The following DNAJB6 variants were observed in gnomAD, a reference collection of about 807,000 sequenced individuals.
DNAJB6 encodes dnaJ homolog subfamily B member 6.
A neutral mutation model predicts 42.7 loss-of-function variants in DNAJB6; 16 were observed. That is an observed-to-expected ratio of 0.37 (90% CI 0.25 to 0.57). The LOEUF is 0.57. DNAJB6 is among the 20% of genes least tolerant of loss of function. The pLI, the probability that DNAJB6 is intolerant of heterozygous loss-of-function variation, is 0.74. For synonymous variants in DNAJB6, 170 were observed against 163.5 expected, an observed-to-expected ratio of 1.04 and a Z score of -0.30; for missense variants, 347 against 416.8, an observed-to-expected ratio of 0.83 and a Z score of 1.46.
intron 1 of DNAJB6, among the ~76,000 whole-genome samples, chr7:157,347,957 A>T (rs183085546): frequency 3.3e-5 from 5 of 150,624 alleles, no homozygotes; most frequent in African/African-American, 9.8e-5. Context: ...CACCATGCCT[A>T]GCTAATTTTT....
intron 2 of DNAJB6, among the ~76,000 whole-genome samples, 184 bp from the exon 3 acceptor site, chr7:157,362,977 C>G (rs1019455989): frequency 6.6e-6 from 1 of 152,144 alleles, no homozygotes; most frequent in Non-Finnish European, 1.5e-5. Context: ...CTACGCCTGG[C>G]TATCTGGATT....
intron 1 of DNAJB6, among the ~76,000 whole-genome samples, chr7:157,349,272 A>G (rs1798849199): frequency 6.6e-6 from 1 of 152,168 alleles, no homozygotes; most frequent in Non-Finnish European, 1.5e-5. Flanking sequence ...ATAAATAGTA[A>G]GTTTGTATGA....
At chr7:157,377,494 C>T (rs1800530315) in intron 5 of DNAJB6, among the ~76,000 whole-genome samples, 1 of 151,968 alleles carries the variant, frequency 6.6e-6, no homozygotes, top group Non-Finnish European at 1.5e-5. Flanking sequence ...GAGAAACTGC[C>T]ACTGGGGGAG....
At chr7:157,348,250 GC>G (rs1170078890) in intron 1 of DNAJB6, among the ~76,000 whole-genome samples, 1 of 150,910 alleles carries the variant, frequency 6.6e-6, no homozygotes, top group African/African-American at 2.4e-5. Context: ...CCACCACCTT[GC>G]CCAGCTAATT....
intron 5 of DNAJB6, chr7:157,368,780 G>C (rs79966023): frequency 6.0e-6 from 1 of 165,374 alleles, no homozygotes; most frequent in Non-Finnish European, 1.3e-5. Context: ...CACATTGTAT[G>C]TTTACCTCCT....
intron 1 of DNAJB6, chr7:157,340,161 T>A (rs970811656): frequency 4.6e-5 from 7 of 152,248 alleles, no homozygotes; most frequent in Non-Finnish European, 8.8e-5. Flanking sequence ...GATTTTTACT[T>A]CTTAGTATTT....
intron 1 of DNAJB6, among the ~76,000 whole-genome samples, chr7:157,357,136 T>A (rs1461011900): frequency 7.1e-6 from 1 of 140,620 alleles, no homozygotes; most frequent in East Asian, 2.0e-4. Context: ...CTGTCTCAAT[T>A]AAAAAAAAAA....
At chr7:157,407,475 G>A (rs1795814037) in intron 8 of DNAJB6, among the ~76,000 whole-genome samples, 1 of 152,222 alleles carries the variant, frequency 6.6e-6, no homozygotes, top group Non-Finnish European at 1.5e-5. Flanking sequence ...AAAAGTCATG[G>A]CGGAGTATTG....
intron 8 of DNAJB6, among the ~76,000 whole-genome samples, chr7:157,386,516 A>G (rs1251020122): frequency 1.3e-5 from 2 of 152,348 alleles, no homozygotes; most frequent in Non-Finnish European, 2.9e-5. Flanking sequence ...AATTATGGTA[A>G]CATTTCTACA....
intron 3 of DNAJB6, among the ~76,000 whole-genome samples, chr7:157,364,218 A>C (rs901962935): frequency 6.6e-6 from 1 of 151,876 alleles, no homozygotes; most frequent in African/African-American, 2.4e-5. Context: ...AACAAAACAA[A>C]ACCAAACCAA....
At chr7:157,377,055 A>C (rs1489350895) in intron 5 of DNAJB6, among the ~76,000 whole-genome samples, 1 of 152,190 alleles carries the variant, frequency 6.6e-6, no homozygotes, top group Non-Finnish European at 1.5e-5. Context: ...AAGATAAAAG[A>C]TCGTGGAGAT....
chr7:157,393,821 A>ATTGTGAGGTG (rs1801463054), intron 8 of DNAJB6, among the ~76,000 whole-genome samples: 1 of 152,010 alleles, frequency 6.6e-6, no homozygotes, highest in African/African-American at 2.4e-5. Context: ...CCTCACAGTT[A>ATTGTGAGGTG]CTGTTTTGTG....
chr7:157,351,868 C>G (rs1584886243), intron 1 of DNAJB6, among the ~76,000 whole-genome samples: 1 of 152,096 alleles, frequency 6.6e-6, no homozygotes, highest in South Asian at 2.1e-4. Flanking sequence ...TGGCACATGC[C>G]TGTAGTCCCA....
chr7:157,374,024 A>G (rs574131461), intron 5 of DNAJB6, among the ~76,000 whole-genome samples: 2 of 152,284 alleles, frequency 1.3e-5, no homozygotes, highest in East Asian at 1.9e-4. Flanking sequence ...CTAAAAATTT[A>G]AGAAAAAAAG....
intron 1 of DNAJB6, among the ~76,000 whole-genome samples, chr7:157,351,773 G>GGTT (rs1798991568): frequency 1.3e-5 from 2 of 152,004 alleles, no homozygotes; most frequent in African/African-American, 4.8e-5. Context: ...AAACCAGCCT[G>GGTT]GCCAACATGG....
intron 5 of DNAJB6, among the ~76,000 whole-genome samples, chr7:157,371,611 C>A (rs1385192864): frequency 2.0e-5 from 3 of 152,240 alleles, no homozygotes; most frequent in African/African-American, 7.2e-5. Context: ...GGGGTACAAT[C>A]AAAACTGCTG....
At chr7:157,369,702 GTTATTATTAAACGGGCCCCTTCTTCACA>G (rs1189109367) in intron 5 of DNAJB6, among the ~76,000 whole-genome samples, 180 of 135,716 alleles carry the variant, frequency 1.3e-3, no homozygotes, top group African/African-American at 5.2e-3. Context: ...CTTTCATAAC[GTTATTATTAAACGGGCCCCTTCTTCACA>G]TTATTATTAA....
chr7:157,371,912 G>A (rs768916703), intron 5 of DNAJB6, among the ~76,000 whole-genome samples: 9 of 152,178 alleles, frequency 5.9e-5, no homozygotes, highest in African/African-American at 1.2e-4. Flanking sequence ...AAACCAAAGC[G>A]AACCTTTAAG....
intron 1 of DNAJB6, among the ~76,000 whole-genome samples, chr7:157,343,749 C>G (rs1362864176): frequency 6.6e-6 from 1 of 152,186 alleles, no homozygotes; most frequent in Non-Finnish European, 1.5e-5. Flanking sequence ...CACGCCTAAT[C>G]TTTATGTGAC....
Sources: gnomAD v4.1 joint callset for allele counts (sites outside exome capture counted in the v4.1 genomes callset) on GRCh38, gnomAD v4.1.1 for gene constraint, MANE v1.5 for transcripts, NCBI Gene and HGNC (gene_info 2026-07-23, HGNC 2026-07-21) for gene names.